CEPT1: variants seen among roughly 807,000 people sequenced by gnomAD.
CEPT1 encodes choline/ethanolamine phosphotransferase 1.
CEPT1 carries 7 observed loss-of-function variants against 42.6 expected under a neutral mutation model. The ratio of observed to expected loss-of-function variants is 0.16; its 90% confidence interval spans 0.09 to 0.31. The LOEUF is 0.31. CEPT1 is among the 10% of genes least tolerant of loss of function. The pLI, the probability that CEPT1 is intolerant of heterozygous loss-of-function variation, is 1.00. For synonymous variants in CEPT1, 171 were observed against 171.9 expected, an observed-to-expected ratio of 0.99 and a Z score of 0.04; for missense variants, 306 against 502.1, an observed-to-expected ratio of 0.61 and a Z score of 3.73.
chr1:111,149,249 A>G (rs977037578), intron 2 of CEPT1, among the ~76,000 whole-genome samples: 3 of 142,210 alleles, frequency 2.1e-5, no homozygotes, highest in Non-Finnish European at 3.1e-5. Flanking sequence ...TTATAGATGT[A>G]AAATCTGGTT....
Position 111,147,761 on chromosome 1 carries a change from C to G in CEPT1, c.47C>G (p.Pro16Arg), listed in dbSNP as rs556306202. ...AGGAAAAGATGTGGAGATTCTCACC[C>G]GGAGTCCCCAGTGGGCTTCGGGCAT... is the stretch of plus-strand genomic sequence containing the variant. ...STRKRCGDSH[P>R]ESPVGFGHMS... is the part of the protein sequence containing the mutation. The change falls in exon 2 of 9, where the codon CCG becomes CGG. Residue 16 changes from proline to arginine, a missense_variant. By Grantham distance (103) the Pro-to-Arg change is moderately radical. Coordinates refer to ENST00000357172, the MANE Select transcript of CEPT1 (RefSeq NM_006090.5). The G allele has an allele frequency of 1.2e-6, 2 of 1,613,694 alleles. No individual in the cohort carries two copies. The highest frequency in any genetic ancestry group is 1.1e-5 in the South Asian group (1 of 91,056).
intron 5 of CEPT1, chr1:111,179,071 T>C (rs1300548919): frequency 6.6e-6 from 1 of 152,204 alleles, no homozygotes; most frequent in African/African-American, 2.4e-5. Flanking sequence ...TGCTCTGATG[T>C]ACAAAGCCTG....
At chr1:111,167,083 AATGTT>A in intron 4 of CEPT1, 1 of 982,092 alleles carries the variant, frequency 1.0e-6, no homozygotes, top group Non-Finnish European at 1.2e-6. Flanking sequence ...GTTATTTTGA[AATGTT>A]TGTTTCCTTA....
chr1:111,142,368 C>T (rs183549868), intron 1 of CEPT1, among the ~76,000 whole-genome samples: 1 of 152,302 alleles, frequency 6.6e-6, no homozygotes, highest in Non-Finnish European at 1.5e-5. Flanking sequence ...AGACCCCACC[C>T]TCCCCTTTTT....
chr1:111,148,218 C>A (rs749643641), intron 2 of CEPT1, among the ~76,000 whole-genome samples, 165 bp downstream of exon 2: 2 of 152,166 alleles, frequency 1.3e-5, no homozygotes, highest in African/African-American at 2.4e-5. Context: ...TACACACTTG[C>A]TTATTGGAAA....
chr1:111,172,663 G>A (rs1656479500), intron 4 of CEPT1, among the ~76,000 whole-genome samples: 1 of 152,102 alleles, frequency 6.6e-6, no homozygotes, highest in Non-Finnish European at 1.5e-5. Context: ...CCATTCCTGG[G>A]AATGACTTTG....
At chr1:111,166,347 C>G (rs968733313) in intron 4 of CEPT1, among the ~76,000 whole-genome samples, 1 of 152,148 alleles carries the variant, frequency 6.6e-6, no homozygotes, top group Non-Finnish European at 1.5e-5. Flanking sequence ...TGTGTGTTAT[C>G]TGTGTTTCCA....
Position 111,147,958 on chromosome 1 carries a change from T to C in CEPT1, c.244T>C (p.Trp82Arg). The C allele has an allele frequency of 6.2e-7, 1 of 1,614,164 alleles. No individual in the cohort carries two copies. The highest frequency in any genetic ancestry group is 8.5e-7 in the Non-Finnish European group (1 of 1,180,014). The change falls in exon 2 of 9, where the codon TGG (tryptophan) becomes CGG (arginine). Residue 82 changes from tryptophan (W) to arginine (R), a missense_variant. Transcript: ENST00000357172. ...WEWLVRRVPS[W>R]IAPNLITIIG... ...ATGGCTCGTTAGAAGAGTTCCCTCC[T>C]GGATTGCCCCAAATCTCATCACCAT...
chr1:111,148,792 T>C lies in CEPT1; in HGVS notation c.339+739T>C, dbSNP rs888120104. The stretch of plus-strand genomic sequence containing the variant: ...TATTTATTTCTTTGGTTTTAAAATA[T>C]CCTTACCAAAACATGAACTAAGCTA... On this transcript the variant is annotated intron_variant, in intron 2 of 8. Coordinates refer to ENST00000357172, the MANE Select transcript of CEPT1 (RefSeq NM_006090.5). Among the ~76,000 whole-genome samples, 3 of 152,236 alleles carry C rather than the reference T, an allele frequency of 2.0e-5. No individual in the cohort carries two copies. In the South Asian group the frequency reaches 6.2e-4, roughly 31 times the overall value.
At chr1:111,159,147 C>T (rs1194568682) in intron 2 of CEPT1, among the ~76,000 whole-genome samples, 1 of 149,686 alleles carries the variant, frequency 6.7e-6, no homozygotes, top group Non-Finnish European at 1.5e-5. Context: ...GATCTCCTGA[C>T]CTCGTGATCC....
chr1:111,172,457 CTG>C (rs941113063), intron 4 of CEPT1, among the ~76,000 whole-genome samples: 6 of 152,128 alleles, frequency 3.9e-5, no homozygotes, highest in Admixed American at 1.3e-4. Flanking sequence ...CTCTAAATAA[CTG>C]TATTTCCTGT....
rs372263387 is a variant in CEPT1 at position 111,144,607 on chromosome 1, C to T, written c.-73-3035C>T. On this transcript the variant is annotated intron_variant, in intron 1 of 8. Transcript: ENST00000357172. ...CAACTAGTCCTGCCAAATGCTCAGA[C>T]TTAAAACCATTAGGATCAGTTGCTT... Among the ~76,000 whole-genome samples the T allele has an allele frequency of 1.1e-3, 166 of 152,326 alleles. 3 individuals are homozygous for T. The highest frequency in any genetic ancestry group is 3.4e-3 in the Middle Eastern group (1 of 294).
At chr1:111,156,610 T>C (rs969352812) in intron 2 of CEPT1, among the ~76,000 whole-genome samples, 54 of 152,180 alleles carry the variant, frequency 3.5e-4, no homozygotes, top group African/African-American at 1.2e-3. Context: ...AGTTTACAAA[T>C]TGATGTTGGG....
At chr1:111,145,296 G>A (rs115058440) in intron 1 of CEPT1, among the ~76,000 whole-genome samples, 2,517 of 152,312 alleles carry the variant, frequency 0.017, 30 homozygotes, top group Middle Eastern at 0.034. Flanking sequence ...GAGCCACCGC[G>A]CCTGGCGAAA....
At chr1:111,171,477 T>C (rs1656408948) in intron 4 of CEPT1, among the ~76,000 whole-genome samples, 1 of 152,236 alleles carries the variant, frequency 6.6e-6, no homozygotes, top group Non-Finnish European at 1.5e-5. Context: ...TAAGGAATGA[T>C]TGGCCTAAAG....
chr1:111,168,953 T>A (rs919526048), intron 4 of CEPT1, among the ~76,000 whole-genome samples: 2 of 152,234 alleles, frequency 1.3e-5, no homozygotes, highest in African/African-American at 4.8e-5. Context: ...CTCAGGTTCC[T>A]GATATAAGGT....
chr1:111,165,294 C>T (rs531172742), intron 4 of CEPT1, among the ~76,000 whole-genome samples: 19 of 151,790 alleles, frequency 1.3e-4, no homozygotes, highest in South Asian at 6.2e-4. Flanking sequence ...GTGATCCGCC[C>T]GCCTTGGCCT....
intron 2 of CEPT1, among the ~76,000 whole-genome samples, chr1:111,150,818 T>C (rs1655230292): frequency 1.3e-5 from 2 of 152,224 alleles, no homozygotes; most frequent in Non-Finnish European, 2.9e-5. Context: ...AAATACAGAC[T>C]TCTCTCTTTT....
chr1:111,165,027 T>C (rs1656066179), intron 4 of CEPT1, among the ~76,000 whole-genome samples: 1 of 150,954 alleles, frequency 6.6e-6, no homozygotes, highest in South Asian at 2.1e-4. Context: ...AAAACTATAC[T>C]TACATAAAAC....
Sources: gnomAD v4.1 joint callset for allele counts (sites outside exome capture counted in the v4.1 genomes callset) on GRCh38, gnomAD v4.1.1 for gene constraint, MANE v1.5 for transcripts, NCBI Gene and HGNC (gene_info 2026-07-23, HGNC 2026-07-21) for gene names.